The following SETBP1 variants were observed in gnomAD, a reference collection of about 807,000 sequenced individuals.
The protein encoded by SETBP1 is SET-binding protein.
A neutral mutation model predicts 101.0 loss-of-function variants in SETBP1; 9 were observed. That is an observed-to-expected ratio of 0.09 (90% CI 0.05 to 0.16). The LOEUF (loss-of-function observed/expected upper bound fraction) is 0.16. Among genes scored for constraint, SETBP1 ranks in the 10% least tolerant of loss-of-function variants. The pLI is 1.00. For missense variants in SETBP1, 1,858 were observed against 2,033.8 expected (o/e 0.91, Z 1.66); for synonymous variants, 818 against 788.5 (o/e 1.04, Z -0.63).
chr18:44,895,477 A>G (rs1425738653), intron 3 of SETBP1, among the ~76,000 whole-genome samples: 1 of 152,082 alleles, frequency 6.6e-6, no homozygotes, highest in African/African-American at 2.4e-5. Context: ...TGTGTAGTCA[A>G]GTGGTATTCA....
chr18:44,712,038 C>A (rs1320188047), intron 2 of SETBP1, among the ~76,000 whole-genome samples: 1 of 152,216 alleles, frequency 6.6e-6, no homozygotes, highest in Non-Finnish European at 1.5e-5. Context: ...ACACGGGAAA[C>A]AATGGAGACC....
chr18:44,988,296 G>A (rs2072284054), intron 4 of SETBP1: 1 of 152,152 alleles, frequency 6.6e-6, no homozygotes, highest in Non-Finnish European at 1.5e-5. Flanking sequence ...TTGAATTTCA[G>A]GTTGCCTGAA....
In SETBP1 at chr18:44,885,544, A is replaced by C. The variant is rs113292423; in HGVS notation, c.540+16261A>C. 6.6e-5 allele frequency among the ~76,000 whole-genome samples: 10 copies of C among 152,210 alleles called. No homozygotes were observed. In the East Asian group the frequency reaches 1.9e-3, roughly 29 times the overall value. ...CTGGATTCCCACTTTTTGGTAACAC[A>C]TGAACATTGAAACTGATCCCCTGGA... is the stretch of plus-strand genomic sequence containing the variant. On this transcript the variant is annotated intron_variant, in intron 3 of 5. Coordinates refer to ENST00000649279, the MANE Select transcript of SETBP1 (RefSeq NM_015559.3).
At chr18:44,794,039 A>G (rs2071419144) in intron 2 of SETBP1, among the ~76,000 whole-genome samples, 1 of 152,250 alleles carries the variant, frequency 6.6e-6, no homozygotes, top group Non-Finnish European at 1.5e-5. Flanking sequence ...TTCTGTAACT[A>G]CTGTGACTGA....
intron 3 of SETBP1, among the ~76,000 whole-genome samples, chr18:44,908,050 CCTT>C (rs2144864939): frequency 6.8e-6 from 1 of 147,766 alleles, no homozygotes; most frequent in East Asian, 2.0e-4. Context: ...TCCTCCTCCT[CCTT>C]CTTTTTTATT....
intron 2 of SETBP1, among the ~76,000 whole-genome samples, chr18:44,849,232 G>A (rs935182511): frequency 1.3e-5 from 2 of 152,106 alleles, no homozygotes; most frequent in East Asian, 1.9e-4. Context: ...AGCCTTGTCC[G>A]TGTAATGATA....
At chr18:44,800,700 T>A (rs16978175) in intron 2 of SETBP1, among the ~76,000 whole-genome samples, 4,524 of 152,094 alleles carry the variant, frequency 0.03, 207 homozygotes, top group African/African-American at 0.1. Context: ...TCCATGTAGG[T>A]CCAATGAACT....
intron 2 of SETBP1, among the ~76,000 whole-genome samples, chr18:44,834,495 A>G (rs1226418822): frequency 6.6e-6 from 1 of 152,136 alleles, no homozygotes; most frequent in Non-Finnish European, 1.5e-5. Flanking sequence ...CAGGAAGAGT[A>G]TATGTGGATG....
chr18:44,943,485 A>G (rs2071130923), intron 3 of SETBP1, among the ~76,000 whole-genome samples: 2 of 152,250 alleles, frequency 1.3e-5, no homozygotes, highest in Admixed American at 6.5e-5. Context: ...GATATAATCC[A>G]GTGGTTCTCA....
At chr18:44,904,665 C>T (rs1206335733) in intron 3 of SETBP1, among the ~76,000 whole-genome samples, 1 of 152,136 alleles carries the variant, frequency 6.6e-6, no homozygotes, top group African/African-American at 2.4e-5. Flanking sequence ...TTAGGGTAGG[C>T]TAGACTGACT....
intron 2 of SETBP1, among the ~76,000 whole-genome samples, chr18:44,793,238 A>T (rs2071403301): frequency 6.6e-6 from 1 of 152,210 alleles, no homozygotes; most frequent in Non-Finnish European, 1.5e-5. Flanking sequence ...AAAATGAGGC[A>T]GCTGGGTGGA....
chr18:44,691,080 C>G (rs972192808), intron 1 of SETBP1, among the ~76,000 whole-genome samples: 3 of 152,102 alleles, frequency 2.0e-5, no homozygotes, highest in African/African-American at 7.2e-5. Flanking sequence ...TATGTAGAAG[C>G]AACTAACAAC....
At chr18:44,815,690 A>G (rs1278585386) in intron 2 of SETBP1, among the ~76,000 whole-genome samples, 1 of 152,214 alleles carries the variant, frequency 6.6e-6, no homozygotes, top group African/African-American at 2.4e-5. Flanking sequence ...AGGATTACCC[A>G]TTAGCTGCTC....
intron 4 of SETBP1, among the ~76,000 whole-genome samples, chr18:44,998,069 C>A (rs1353739415): frequency 1.3e-5 from 2 of 152,226 alleles, no homozygotes; most frequent in East Asian, 3.8e-4. Context: ...TTAGCAGCCC[C>A]TGTTCTAGTT....
chr18:44,956,119 T>G (rs2145128934), intron 4 of SETBP1, among the ~76,000 whole-genome samples: 1 of 152,294 alleles, frequency 6.6e-6, no homozygotes, highest in African/African-American at 2.4e-5. Context: ...CTGCTACATC[T>G]ATATGAGCTA....
chr18:44,764,694 C>G (rs1004622417), intron 2 of SETBP1, among the ~76,000 whole-genome samples: 1 of 152,056 alleles, frequency 6.6e-6, no homozygotes, highest in African/African-American at 2.4e-5. Flanking sequence ...AGGATGGCCT[C>G]GCTCCCTGAC....
At chr18:45,005,784 C>CT (rs2072711488) in intron 4 of SETBP1, among the ~76,000 whole-genome samples, 1 of 150,326 alleles carries the variant, frequency 6.7e-6, no homozygotes, top group South Asian at 2.1e-4. Flanking sequence ...GTAACTGGGA[C>CT]TACAGGCGCC....
At chr18:44,977,731 A>G (rs114009193) in intron 4 of SETBP1, among the ~76,000 whole-genome samples, 42 of 152,338 alleles carry the variant, frequency 2.8e-4, no homozygotes, top group African/African-American at 1.0e-3. Context: ...ACAGAGGCCA[A>G]TGTGGCCGAT....
intron 2 of SETBP1, among the ~76,000 whole-genome samples, chr18:44,740,655 C>G (rs1302608015): frequency 6.6e-6 from 1 of 152,116 alleles, no homozygotes; most frequent in African/African-American, 2.4e-5. Flanking sequence ...GGATATGCTG[C>G]CTTTTGCTTT....
Sources: gnomAD v4.1 joint callset for allele counts (sites outside exome capture counted in the v4.1 genomes callset) on GRCh38, gnomAD v4.1.1 for gene constraint, MANE v1.5 for transcripts, NCBI Gene and HGNC (gene_info 2026-07-23, HGNC 2026-07-21) for gene names.